PPP2R5E: variants seen among roughly 807,000 people sequenced by gnomAD.
PPP2R5E encodes the protein protein phosphatase 2 regulatory subunit B'epsilon.
PPP2R5E carries 4 observed loss-of-function variants against 65.3 expected under a neutral mutation model. That is an observed-to-expected ratio of 0.06 (90% CI 0.03 to 0.14). The LOEUF is 0.14. PPP2R5E is among the 10% of genes least tolerant of loss of function. The pLI, the probability that PPP2R5E is intolerant of heterozygous loss-of-function variation, is 1.00. For synonymous variants in PPP2R5E, 183 were observed against 187.4 expected (o/e 0.98, Z 0.19); for missense variants, 274 against 556.1 (o/e 0.49, Z 5.10).
intron 2 of PPP2R5E, among the ~76,000 whole-genome samples, chr14:63,494,853 C>T (rs1438723741): frequency 1.3e-5 from 2 of 151,680 alleles, no homozygotes; most frequent in Admixed American, 6.6e-5. Flanking sequence ...GCCAAGATCA[C>T]GCCACTGCAC....
chr14:63,474,995 C>A (rs763453314), intron 2 of PPP2R5E, among the ~76,000 whole-genome samples: 1 of 152,176 alleles, frequency 6.6e-6, no homozygotes, highest in Non-Finnish European at 1.5e-5. Flanking sequence ...TATGTTTCTA[C>A]AAGGAAAATG....
chr14:63,426,263 C>A (rs1055277441), intron 3 of PPP2R5E, among the ~76,000 whole-genome samples: 1 of 152,090 alleles, frequency 6.6e-6, no homozygotes, highest in Non-Finnish European at 1.5e-5. Context: ...TAATCCAAGA[C>A]AAGAGTGAAA....
At chr14:63,522,470 C>A (rs1280983915) in intron 2 of PPP2R5E, among the ~76,000 whole-genome samples, 1 of 151,168 alleles carries the variant, frequency 6.6e-6, no homozygotes, top group Non-Finnish European at 1.5e-5. Context: ...AGCGTCTCTG[C>A]CCGGCCGCCA....
At chr14:63,480,337 T>A (rs1162677822) in intron 2 of PPP2R5E, among the ~76,000 whole-genome samples, 1 of 152,118 alleles carries the variant, frequency 6.6e-6, no homozygotes, top group African/African-American at 2.4e-5. Flanking sequence ...GTGCCTGTAA[T>A]CCCAGCTACT....
At chr14:63,446,609 C>G (rs1888490788) in intron 3 of PPP2R5E, among the ~76,000 whole-genome samples, 1 of 151,920 alleles carries the variant, frequency 6.6e-6, no homozygotes, top group East Asian at 1.9e-4. Flanking sequence ...GCGGGTGGAC[C>G]ACGAGATCAG....
At chr14:63,513,234 C>T (rs952343811) in intron 2 of PPP2R5E, among the ~76,000 whole-genome samples, 7 of 152,098 alleles carry the variant, frequency 4.6e-5, no homozygotes, top group African/African-American at 1.7e-4. Flanking sequence ...GATACACTCA[C>T]CAAAGAAAGG....
chr14:63,406,410 CAAA>C (rs569875121), intron 5 of PPP2R5E, among the ~76,000 whole-genome samples: 6 of 83,286 alleles, frequency 7.2e-5, no homozygotes, highest in African/African-American at 4.1e-5. Flanking sequence ...GACTTCATCT[CAAA>C]AAAAAAAAAA....
intron 3 of PPP2R5E, among the ~76,000 whole-genome samples, chr14:63,434,756 A>C (rs1383752648): frequency 1.3e-5 from 2 of 152,204 alleles, no homozygotes; most frequent in African/African-American, 4.8e-5. Context: ...TCTTTCAAGA[A>C]GTTCACTATT....
At position 63,374,919 on chromosome 14, in the gene PPP2R5E, G is replaced by A. The variant is rs1489677677; in HGVS notation, c.*1090C>T. ...CTTTCCGGCTAAAAACAGGGCTGGC[G>A]CTGTGATGAGATATAGAACGAGAAT... On this transcript the variant is annotated 3_prime_UTR_variant, in exon 14 of 14. Coordinates refer to ENST00000337537, the MANE Select transcript of PPP2R5E (RefSeq NM_006246.5). The A allele has an allele frequency of 6.6e-6, 1 of 152,204 alleles. No homozygotes were observed. Among genetic ancestry groups the A allele is most frequent in the Non-Finnish European group, 1.5e-5 (1 of 67,936 alleles). The allele number at this position is 152,204 out of a possible 1,614,324, so 9.4% of individuals were successfully genotyped here. A position where few individuals can be genotyped will look rare whatever the true frequency, so the allele number is the denominator to read the frequency against.
At chr14:63,539,504 T>A (rs543182117) in intron 2 of PPP2R5E, 25 bp downstream of exon 2, 17 of 1,599,822 alleles carry the variant, frequency 1.1e-5, no homozygotes, top group Non-Finnish European at 1.4e-5. Flanking sequence ...TGAAAAAGAA[T>A]GCATCACCTG....
intron 2 of PPP2R5E, among the ~76,000 whole-genome samples, chr14:63,520,516 T>C (rs1379301218): frequency 2.0e-5 from 3 of 152,208 alleles, no homozygotes; most frequent in African/African-American, 7.2e-5. Context: ...CCAATCCTGT[T>C]ATGCTCATCA....
At chr14:63,387,797 G>T (rs1328621050) in intron 11 of PPP2R5E, among the ~76,000 whole-genome samples, 1 of 152,192 alleles carries the variant, frequency 6.6e-6, no homozygotes, top group African/African-American at 2.4e-5. Flanking sequence ...GAGCTCATAA[G>T]GGTGGGGTCC....
chr14:63,451,402 C>A (rs1171063039), intron 3 of PPP2R5E: 1 of 152,190 alleles, frequency 6.6e-6, no homozygotes, highest in Non-Finnish European at 1.5e-5. Context: ...GCTATCAAGT[C>A]TTGAAAAGAC....
At position 63,524,082 on chromosome 14, in the gene PPP2R5E, CAG is replaced by C. The variant is rs1176011601; in HGVS notation, c.157+15445_157+15446del. On this transcript the variant is annotated intron_variant, in intron 2 of 13. Transcript: ENST00000337537. Reference sequence around the variant, plus strand: ...AGTCTGTATCTCCCTTATTAGAAGACAGTATTTTTCCTGAAATGGTGCCAAGT... The same window carrying C: ...AGTCTGTATCTCCCTTATTAGAAGACTATTTTTCCTGAAATGGTGCCAAGT... 2.0e-5 allele frequency among the ~76,000 whole-genome samples: 3 copies of C among 152,312 alleles called. No individual in the cohort carries two copies. The East Asian group carries it at 5.8e-4, about 29-fold the overall frequency.
At chr14:63,521,063 T>C (rs900773693) in intron 2 of PPP2R5E, among the ~76,000 whole-genome samples, 1 of 151,450 alleles carries the variant, frequency 6.6e-6, no homozygotes, top group Non-Finnish European at 1.5e-5. Context: ...GAAAAACACA[T>C]GCATATAATG....
rs1221708697 is a variant in PPP2R5E, at chr14:63,396,620, A to G, written c.646T>C (p.Phe216Leu). ...IYGKFLGLRA[F>L]IRKQINNIFL... is the part of the protein sequence containing the mutation. ...ATATTGTTAATCTGTTTTCGGATAA[A>G]TGCTCTAAGACCAAGAAACTTGCCA... is the stretch of plus-strand genomic sequence containing the variant. The change falls in exon 6 of 14, where the codon TTT becomes CTT. Residue 216 changes from phenylalanine to leucine, a missense_variant. Transcript: ENST00000337537. 6.2e-7 allele frequency: 1 copy of G among 1,613,238 alleles called. No homozygotes were observed. The highest frequency in any genetic ancestry group is 8.5e-7 in the Non-Finnish European group (1 of 1,179,718).
At chr14:63,429,151 T>A (rs1887492031) in intron 3 of PPP2R5E, among the ~76,000 whole-genome samples, 1 of 152,228 alleles carries the variant, frequency 6.6e-6, no homozygotes, top group Non-Finnish European at 1.5e-5. Context: ...TGTACCACAG[T>A]ATAACAAGTC....
intron 13 of PPP2R5E, among the ~76,000 whole-genome samples, chr14:63,378,421 A>T (rs1425830798): frequency 6.6e-6 from 1 of 152,264 alleles, no homozygotes; most frequent in Non-Finnish European, 1.5e-5. Flanking sequence ...ATAATGGAAC[A>T]CTAGGCATAA....
At chr14:63,504,588 AG>A (rs1356198801) in intron 2 of PPP2R5E, among the ~76,000 whole-genome samples, 1 of 152,198 alleles carries the variant, frequency 6.6e-6, no homozygotes, top group African/African-American at 2.4e-5. Context: ...CCTCAAAAAA[AG>A]AGGAAAAAGA....
Sources: gnomAD v4.1 joint callset for allele counts (sites outside exome capture counted in the v4.1 genomes callset) on GRCh38, gnomAD v4.1.1 for gene constraint, MANE v1.5 for transcripts, NCBI Gene and HGNC (gene_info 2026-07-23, HGNC 2026-07-21) for gene names.